ZNF469: variants seen among roughly 807,000 people sequenced by gnomAD.
The protein encoded by ZNF469 is zinc finger protein 469.
In ZNF469, 1 loss-of-function variant was observed where a neutral mutation model predicts 1.0. The observed-to-expected ratio is 1.00, with a 90% CI of 0.35 to 4.73. The LOEUF is 4.73. Among genes scored for constraint, ZNF469 ranks in the 30% most tolerant of loss-of-function variants. The probability of loss-of-function intolerance (pLI) is 0.16; values close to 1 mark genes in which losing one functional copy is unlikely to be tolerated. For synonymous variants in ZNF469, 2,703 were observed against 2,363.4 expected (o/e 1.14, Z -4.17); for missense variants, 6,100 against 5,356.3 (o/e 1.14, Z -4.33).
the ZNF469 span, among the ~76,000 whole-genome samples, chr16:88,129,281 G>T: frequency 6.6e-6 from 1 of 152,106 alleles, no homozygotes; most frequent in Non-Finnish European, 1.5e-5. Context: ...GGGTCGTCTC[G>T]GCCTCTGGTG....
At chr16:88,221,036 C>G in the ZNF469 span, among the ~76,000 whole-genome samples, 1 of 152,218 alleles carries the variant, frequency 6.6e-6, no homozygotes, top group African/African-American at 2.4e-5. Context: ...ACCCAGAACA[C>G]TGGTGAAGGC....
the ZNF469 span, among the ~76,000 whole-genome samples, chr16:88,116,053 C>T: frequency 7.7e-4 from 117 of 152,308 alleles, no homozygotes; most frequent in African/African-American, 2.7e-3. Flanking sequence ...AACTGCAGAG[C>T]GGGGAAAGTA....
chr16:88,129,608 C>T, the ZNF469 span, among the ~76,000 whole-genome samples: 1 of 152,158 alleles, frequency 6.6e-6, no homozygotes, highest in East Asian at 1.9e-4. Context: ...AATCCCAGCA[C>T]TTTGGGAGGC....
Position 88,432,315 on chromosome 16 carries a change from C to A in ZNF469, c.4845C>A (p.Thr1615=), listed in dbSNP as rs996633320. 5 of 1,547,512 alleles carry A rather than the reference C, an allele frequency of 3.2e-6. No homozygotes were observed. In the African/African-American group the frequency reaches 5.5e-5, roughly 17 times the overall value. ...PPSQRRTCQA[T]VPHEDTFSAA... is the part of the protein sequence containing the mutation. ...CCCAACGGCGCACCTGCCAGGCCAC[C>A]GTGCCCCACGAGGACACGTTCTCGG... Residue 1615 remains threonine (T), a synonymous_variant, in exon 3 of 3, where the codon ACC becomes ACA. Transcript: ENST00000565624.
At chr16:88,156,099 G>A in the ZNF469 span, among the ~76,000 whole-genome samples, 2 of 152,302 alleles carry the variant, frequency 1.3e-5, no homozygotes, top group East Asian at 3.8e-4. Context: ...CAGGTTATCT[G>A]TCTTTTTATT....
Position 88,431,091 on chromosome 16 carries a change from C to T in ZNF469, c.3621C>T (p.Thr1207=), listed in dbSNP as rs1354023938. ...VAPKDPLQVP[T]NTETSEETRP... is the part of the protein sequence containing the mutation. ...CCAAGGATCCCCTGCAGGTCCCCAC[C>T]AACACCGAGACCTCAGAGGAAACCC... The change falls in exon 3 of 3, where the codon ACC becomes ACT. Residue 1207 remains threonine (T), a synonymous_variant. Coordinates refer to ENST00000565624, the MANE Select transcript of ZNF469 (RefSeq NM_001367624.2). 5.9e-5 allele frequency: 91 copies of T among 1,550,184 alleles called. No individual in the cohort carries two copies. The highest frequency in any genetic ancestry group is 1.2e-5 in the Non-Finnish European group (14 of 1,146,936).
the ZNF469 span, among the ~76,000 whole-genome samples, chr16:88,249,574 C>T: frequency 2.6e-5 from 4 of 151,484 alleles, no homozygotes; most frequent in Non-Finnish European, 4.4e-5. Context: ...GTAGCTGGGA[C>T]TACAGGTGCC....
At chr16:88,156,055 A>G in the ZNF469 span, among the ~76,000 whole-genome samples, 1 of 152,164 alleles carries the variant, frequency 6.6e-6, no homozygotes, top group African/African-American at 2.4e-5. Context: ...GCTTTGGAAA[A>G]ATGCCTGTTT....
chr16:88,287,343 A>T, the ZNF469 span, among the ~76,000 whole-genome samples: 1 of 152,244 alleles, frequency 6.6e-6, no homozygotes. Context: ...GATGTGTGGC[A>T]CAAAGGTTTC....
chr16:88,428,849 G>A lies in ZNF469; in HGVS notation c.1379G>A (p.Arg460Lys). Residue 460 changes from arginine (R) to lysine (K), a missense_variant, in exon 3 of 3, where the codon AGG becomes AAG. Physicochemically the swap from Arg to Lys is conservative, Grantham distance 26. Coordinates refer to ENST00000565624, the MANE Select transcript of ZNF469 (RefSeq NM_001367624.2). ...TPPGGPLAAT[R>K]SMFFNGQPSP... ...CCTGGGGGCCCCCTGGCTGCCACCA[G>A]GAGTATGTTCTTTAACGGCCAGCCC... 1 of 1,548,600 alleles carries A rather than the reference G, an allele frequency of 6.5e-7. No individual in the cohort carries two copies. The highest frequency in any genetic ancestry group is 2.4e-5 in the East Asian group (1 of 40,884).
At chr16:88,170,699 A>T in the ZNF469 span, among the ~76,000 whole-genome samples, 1 of 152,200 alleles carries the variant, frequency 6.6e-6, no homozygotes, top group South Asian at 2.1e-4. The surrounding 1 kb of genome is among the most constrained non-coding windows in gnomAD (Gnocchi z 4.2). Context: ...AGCCGTTGGG[A>T]TGGTTCCTTT....
the ZNF469 span, among the ~76,000 whole-genome samples, chr16:88,360,824 T>C: frequency 6.6e-6 from 1 of 152,128 alleles, no homozygotes; most frequent in South Asian, 2.1e-4. Flanking sequence ...TCAAAGGCAG[T>C]CCACCCCTGC....
chr16:88,254,400 G>T, the ZNF469 span, among the ~76,000 whole-genome samples: 2 of 152,064 alleles, frequency 1.3e-5, no homozygotes, highest in Non-Finnish European at 2.9e-5. Flanking sequence ...GTTGATTATT[G>T]TATATTTATA....
the ZNF469 span, among the ~76,000 whole-genome samples, chr16:88,159,063 C>T: frequency 2.6e-5 from 4 of 151,892 alleles, no homozygotes; most frequent in African/African-American, 7.2e-5. Flanking sequence ...CACGGATGCT[C>T]ATATGGCTGT....
At chr16:88,349,133 A>C in the ZNF469 span, among the ~76,000 whole-genome samples, 1 of 151,862 alleles carries the variant, frequency 6.6e-6, no homozygotes, top group African/African-American at 2.4e-5. Flanking sequence ...AAAAGAAGCA[A>C]GCAGCCACTC....
chr16:88,396,956 C>T (rs1479103421), intron 1 of ZNF469, among the ~76,000 whole-genome samples: 1 of 136,050 alleles, frequency 7.4e-6, no homozygotes, highest in African/African-American at 2.9e-5. Context: ...GGAGGAGACC[C>T]TCATGAAGGG....
the ZNF469 span, chr16:88,192,258 G>A: frequency 1.3e-5 from 2 of 152,248 alleles, no homozygotes; most frequent in African/African-American, 2.4e-5. Context: ...GGGAGATGGA[G>A]CAGGGACATT....
the ZNF469 span, among the ~76,000 whole-genome samples, chr16:88,155,919 G>A: frequency 4.6e-5 from 7 of 152,180 alleles, no homozygotes; most frequent in Non-Finnish European, 7.3e-5. Flanking sequence ...ACTCACTGCT[G>A]TCTGCCTTCT....
In ZNF469 at chr16:88,430,994, C is replaced by G. The variant is rs1170242230; in HGVS notation, c.3524C>G (p.Ser1175Cys). The G allele has an allele frequency of 3.2e-6, 5 of 1,541,856 alleles. No homozygotes were observed. The East Asian group carries it at 9.8e-5, about 30-fold the overall frequency. The change falls in exon 3 of 3, where the codon TCT becomes TGT. Residue 1175 changes from serine (S) to cysteine (C), a missense_variant. By Grantham distance (112) the Ser-to-Cys change is moderately radical (BLOSUM62 -1). Coordinates refer to ENST00000565624, the MANE Select transcript of ZNF469 (RefSeq NM_001367624.2). ...AGGAGCCCTCAGGCCCGTGGCCCGT[C>G]TCGAAGCCTGGAGACGGGAGCGGCC... is the stretch of plus-strand genomic sequence containing the variant. ...PGRSPQARGP[S>C]RSLETGAAAR...
Sources: gnomAD v4.1 joint callset for allele counts (sites outside exome capture counted in the v4.1 genomes callset) on GRCh38, gnomAD v4.1.1 for gene constraint, Gnocchi (gnomAD v3.1) non-coding constraint, MANE v1.5 for transcripts, NCBI Gene and HGNC (gene_info 2026-07-23, HGNC 2026-07-21) for gene names.